The following GRB10 variants were observed in gnomAD, a reference collection of about 807,000 sequenced individuals.
GRB10 encodes growth factor receptor-bound protein 10.
GRB10 carries 20 observed loss-of-function variants against 80.9 expected under a neutral mutation model. The ratio of observed to expected loss-of-function variants is 0.25; its 90% CI spans 0.17 to 0.36. The LOEUF is 0.36. Ranked by LOEUF, GRB10 falls within the 10% of genes least tolerant of loss-of-function variation. The pLI is 1.00. For missense variants in GRB10, 548 were observed against 747.7 expected, an observed-to-expected ratio of 0.73 and a Z score of 3.12; for synonymous variants, 291 against 291.5, an observed-to-expected ratio of 1.00 and a Z score of 0.02.
rs137969582 is a variant in GRB10 at position 50,627,452 on chromosome 7, C to T, written c.505-474G>A. Among the ~76,000 whole-genome samples, 585 of 152,306 alleles carry T rather than the reference C, an allele frequency of 3.8e-3. 3 individuals are homozygous for T. The highest frequency in any genetic ancestry group is 0.013 in the African/African-American group (543 of 41,540). ...TCTCCCAGGGCACAGGGTCCAGCAG[C>T]GGCACCTACAGCCTTTCCCGCAGCA... On this transcript the variant is annotated intron_variant, in intron 7 of 18. Transcript: ENST00000401949.
Position 50,612,792 on chromosome 7 carries a change from T to A in GRB10, c.1143A>T (p.Ala381=). 6.2e-7 allele frequency: 1 copy of A among 1,614,080 alleles called. No individual in the cohort carries two copies. The highest frequency in any genetic ancestry group is 8.5e-7 in the Non-Finnish European group (1 of 1,179,948). ...NETKELRLLC[A]EDEQTRTCWM... The stretch of plus-strand genomic sequence containing the variant: ...AGCACGTCCTGGTTTGCTCGTCCTC[T>A]GCACAGAGCAACCTCAGCTCTTTAG... Residue 381 remains alanine (A), a synonymous_variant, in exon 13 of 19, where the codon GCA becomes GCT. Coordinates refer to ENST00000401949, the MANE Select transcript of GRB10 (RefSeq NM_001350814.2).
At position 50,644,139 on chromosome 7, in the gene GRB10, C is replaced by T. The variant is rs975701985; in HGVS notation, c.505-17161G>A. 2.6e-5 allele frequency among the ~76,000 whole-genome samples: 4 copies of T among 152,154 alleles called. No homozygotes were observed. In the East Asian group the frequency reaches 7.7e-4, roughly 29 times the overall value. The stretch of plus-strand genomic sequence containing the variant: ...TCCATTCAGCAGTTGTCTTCACTAT[C>T]CCGGATATTTATGTCCAAAACACTC... On this transcript the variant is annotated intron_variant, in intron 7 of 18. Transcript: ENST00000401949.
Position 50,674,536 on chromosome 7 carries a change from T to G in GRB10, c.262A>C (p.Ser88Arg). 1 of 1,611,494 alleles carries G rather than the reference T, an allele frequency of 6.2e-7. No individual in the cohort carries two copies. The highest frequency in any genetic ancestry group is 8.5e-7 in the Non-Finnish European group (1 of 1,179,996). ...PLLQNGQHAR[S>R]QPRASGPPRS... The stretch of plus-strand genomic sequence containing the variant: ...GGAGGGCCTGAAGCCCGAGGCTGGC[T>G]GCGGGCATGCTGGCCATTCTGCAGG... The change falls in exon 6 of 19, where the codon AGC becomes CGC. Residue 88 changes from serine to arginine, a missense_variant. This residue lies in a region of GRB10 where 245 missense variants were observed against 229.3 expected (regional missense o/e 1.07). Transcript: ENST00000401949.
At chr7:50,624,006 ATGTACTT>A (rs1490726501) in intron 8 of GRB10, among the ~76,000 whole-genome samples, 2 of 152,220 alleles carry the variant, frequency 1.3e-5, no homozygotes, top group Admixed American at 6.5e-5. Context: ...ATCAGTAATA[ATGTACTT>A]TGTACTTTGG....
chr7:50,635,901 A>AT (rs1333252399), intron 7 of GRB10, among the ~76,000 whole-genome samples: 2 of 100,262 alleles, frequency 2.0e-5, no homozygotes, highest in Non-Finnish European at 4.2e-5. Context: ...AAATCTTCCA[A>AT]TAAAAAAAAA....
At chr7:50,598,639 G>A (rs2047056671) in intron 17 of GRB10, among the ~76,000 whole-genome samples, 1 of 152,220 alleles carries the variant, frequency 6.6e-6, no homozygotes, top group Non-Finnish European at 1.5e-5. Flanking sequence ...GTGACACACA[G>A]AGAAGCTAAG....
At chr7:50,622,788 C>CTT (rs201269442) in intron 8 of GRB10, among the ~76,000 whole-genome samples, 8 of 144,904 alleles carry the variant, frequency 5.5e-5, no homozygotes, top group South Asian at 2.2e-4. Flanking sequence ...TTCCTTTTAT[C>CTT]TTTTTTTTTT....
chr7:50,726,379 CAG>C (rs1451667786), intron 4 of GRB10, among the ~76,000 whole-genome samples: 22 of 151,836 alleles, frequency 1.4e-4, no homozygotes, highest in Non-Finnish European at 3.2e-4. Context: ...GCCTAGGTGA[CAG>C]AGTGAGACTC....
chr7:50,714,489 C>T (rs2066503448), intron 4 of GRB10, among the ~76,000 whole-genome samples: 1 of 152,084 alleles, frequency 6.6e-6, no homozygotes, highest in African/African-American at 2.4e-5. Flanking sequence ...CGGTGAAACC[C>T]CGTCTCTACT....
At chr7:50,681,286 C>T (rs78986978) in intron 5 of GRB10, among the ~76,000 whole-genome samples, 1,550 of 152,244 alleles carry the variant, frequency 0.01, 35 homozygotes, top group African/African-American at 0.035. Flanking sequence ...GAGAAGCCTC[C>T]GGCTCTACCC....
intron 2 of GRB10, among the ~76,000 whole-genome samples, chr7:50,771,465 G>C (rs1388261503): frequency 6.6e-6 from 1 of 152,194 alleles, no homozygotes; most frequent in Non-Finnish European, 1.5e-5. Flanking sequence ...AACAGCGAGA[G>C]TCAGAAGGAA....
chr7:50,617,968 A>T, intron 10 of GRB10, 103 bp downstream of exon 10: 2 of 974,502 alleles, frequency 2.1e-6, no homozygotes, highest in Non-Finnish European at 3.3e-6. Context: ...ATAAATGGTG[A>T]AAGATGCGAT....
chr7:50,597,236 C>T (rs565792730), intron 17 of GRB10, among the ~76,000 whole-genome samples: 1 of 152,352 alleles, frequency 6.6e-6, no homozygotes, highest in East Asian at 1.9e-4. Flanking sequence ...TAGCACTTTG[C>T]AGGCCTTGTG....
chr7:50,697,664 G>A (rs1195499878), intron 5 of GRB10, among the ~76,000 whole-genome samples: 2 of 152,212 alleles, frequency 1.3e-5, no homozygotes, highest in African/African-American at 4.8e-5. Context: ...GAAAATTAAG[G>A]AAGCAGGAAA....
chr7:50,771,017 G>A (rs1285255052), intron 2 of GRB10, among the ~76,000 whole-genome samples: 1 of 148,572 alleles, frequency 6.7e-6, no homozygotes, highest in African/African-American at 2.6e-5. Context: ...CCAGCACCCA[G>A]GACTTCAATG....
intron 7 of GRB10, among the ~76,000 whole-genome samples, chr7:50,657,644 T>C (rs2058784851): frequency 6.6e-6 from 1 of 152,204 alleles, no homozygotes; most frequent in Admixed American, 6.5e-5. Context: ...GATGCTATTT[T>C]AGGGCAAAGT....
intron 17 of GRB10, among the ~76,000 whole-genome samples, chr7:50,601,595 A>G (rs771179276): frequency 8.5e-5 from 13 of 152,354 alleles, no homozygotes; most frequent in Admixed American, 2.0e-4. Flanking sequence ...TCAAGATATT[A>G]CAGGTATGTA....
intron 3 of GRB10, among the ~76,000 whole-genome samples, chr7:50,748,004 G>A (rs543779701): frequency 6.6e-4 from 100 of 152,214 alleles, no homozygotes; most frequent in African/African-American, 2.2e-3. Flanking sequence ...GGACACATGC[G>A]TGCAGGTGGC....
chr7:50,611,323 G>T (rs1298218863), intron 13 of GRB10, among the ~76,000 whole-genome samples: 2 of 152,172 alleles, frequency 1.3e-5, no homozygotes, highest in Non-Finnish European at 2.9e-5. Flanking sequence ...CTTTCTGGAG[G>T]TCCATGCAGA....
Sources: gnomAD v4.1 joint callset for allele counts (sites outside exome capture counted in the v4.1 genomes callset) on GRCh38, gnomAD v4.1.1 for gene constraint, gnomAD v4.1.1 regional missense constraint, MANE v1.5 for transcripts, NCBI Gene and HGNC (gene_info 2026-07-23, HGNC 2026-07-21) for gene names.